Variants in SV2A observed in about 807,000 individuals in gnomAD.
SV2A encodes the protein solute carrier family 22 member B1.
SV2A carries 25 observed loss-of-function variants against 78.0 expected under a neutral mutation model. The ratio of observed to expected loss-of-function variants is 0.32; its 90% CI spans 0.23 to 0.45. The LOEUF is 0.45. SV2A is among the 20% of genes least tolerant of loss of function. SV2A has a pLI of 1.00. For synonymous variants in SV2A, 355 were observed against 384.7 expected (o/e 0.92, Z 0.90); for missense variants, 752 against 971.5 (o/e 0.77, Z 3.00).
chr1:149,913,205 C>G lies in SV2A; in HGVS notation c.622+14G>C. On this transcript the variant is annotated intron_variant, in intron 2 of 12. Coordinates refer to ENST00000369146, the MANE Select transcript of SV2A (RefSeq NM_014849.5). ...GAGTTTGAGGGGATAAGGCTGGAGC[C>G]CCCCATGTCTTACCTAGCATGCCTT... The G allele has an allele frequency of 6.2e-7, 1 of 1,610,002 alleles. No individual in the cohort carries two copies. Among genetic ancestry groups the G allele is most frequent in the Non-Finnish European group, 8.5e-7 (1 of 1,178,138 alleles).
At chr1:149,906,989 C>A in intron 10 of SV2A, 133 bp from the exon 11 acceptor site, 1 of 1,486,110 alleles carries the variant, frequency 6.7e-7, no homozygotes, top group Non-Finnish European at 9.0e-7. Context: ...CAGTGCTAAT[C>A]ACAAAACATC....
At position 149,910,786 on chromosome 1, in the gene SV2A, G is replaced by A; in HGVS notation, c.955+40C>T. The A allele has an allele frequency of 6.2e-7, 1 of 1,611,970 alleles. No individual in the cohort carries two copies. Among genetic ancestry groups the A allele is most frequent in the Non-Finnish European group, 8.5e-7 (1 of 1,178,324 alleles). ...ACAGGGAGCACAGAAGAAGAGGGAGGAGGGAGATAACCTGGGGTGGATTTC... is the reference window on the plus strand; with the variant it reads ...ACAGGGAGCACAGAAGAAGAGGGAGAAGGGAGATAACCTGGGGTGGATTTC... On this transcript the variant is annotated intron_variant, in intron 4 of 12. Transcript: ENST00000369146. This position sits in a 1 kb window ranked among gnomAD's most constrained non-coding sequence, Gnocchi z 4.2.
chr1:149,905,023 C>T lies in SV2A; in HGVS notation c.2220G>A (p.Val740=). 1 of 1,610,350 alleles carries T rather than the reference C, an allele frequency of 6.2e-7. No homozygotes were observed. Among genetic ancestry groups the T allele is most frequent in the Non-Finnish European group, 8.5e-7 (1 of 1,178,438 alleles). ...ALKLPETRGQ[V]LQ is the part of the protein sequence containing the mutation. The stretch of plus-strand genomic sequence containing the variant: ...AGCCCTAGAGACCCCTTCACTGCAG[C>T]ACCTGCCCCCGGGTCTCAGGCAGCT... Residue 740 remains valine, a synonymous_variant, in exon 13 of 13, where the codon GTG becomes GTA. Transcript: ENST00000369146.
At chr1:149,912,796 C>G (rs587750886) in intron 2 of SV2A, among the ~76,000 whole-genome samples, 365 of 150,398 alleles carry the variant, frequency 2.4e-3, no homozygotes, top group African/African-American at 8.0e-3. Flanking sequence ...CCCCCTCCCC[C>G]AACCACCCCA....
At chr1:149,911,460 T>C (rs1473209635) in intron 3 of SV2A, among the ~76,000 whole-genome samples, 1 of 152,102 alleles carries the variant, frequency 6.6e-6, no homozygotes, top group Non-Finnish European at 1.5e-5. Flanking sequence ...AGGAAATGTG[T>C]AGACTCTGGT....
chr1:149,917,095 C>T (rs2092519133), intron 1 of SV2A, among the ~76,000 whole-genome samples: 1 of 152,008 alleles, frequency 6.6e-6, no homozygotes, highest in South Asian at 2.1e-4. Context: ...AGCACCTCCT[C>T]CACCCTTGGT....
At position 149,911,474 on chromosome 1, in the gene SV2A, G is replaced by A. The variant is rs782585706; in HGVS notation, c.803+326C>T. Reference sequence around the variant, plus strand: ...CAGGAAATGTGTAGACTCTGGTAGGGGGTAACTCTGGGTCCACAGGAGCCC... The same window carrying A: ...CAGGAAATGTGTAGACTCTGGTAGGAGGTAACTCTGGGTCCACAGGAGCCC... On this transcript the variant is annotated intron_variant, in intron 3 of 12. Transcript: ENST00000369146. Among the ~76,000 whole-genome samples the A allele has an allele frequency of 2.4e-4, 37 of 151,954 alleles. No homozygotes were observed. In the Middle Eastern group the frequency reaches 0.014, roughly 56 times the overall value.
chr1:149,913,715 G>C lies in SV2A; in HGVS notation c.126C>G (p.Ser42=). The change falls in exon 2 of 13, where the codon TCC becomes TCG. Residue 42 remains serine (S), a synonymous_variant. Transcript: ENST00000369146. ...KGLDRVQDEY[S]RRSYSRFEEE... ...CCTCAAAGCGGGAGTACGATCTTCG[G>C]GAATATTCGTCCTGGACTCTGTCCA... is the stretch of plus-strand genomic sequence containing the variant. The C allele has an allele frequency of 6.2e-7, 1 of 1,613,954 alleles. No individual in the cohort carries two copies. The highest frequency in any genetic ancestry group is 8.5e-7 in the Non-Finnish European group (1 of 1,179,972).
chr1:149,910,672 C>T lies in SV2A; in HGVS notation c.987G>A (p.Gln329=). Reference sequence around the variant, plus strand: ...GGACGAAGACCCTCCAGCTGTGGAACTGGTAGGCAGAACCCATCTGAAAAC... The same window carrying T: ...GGACGAAGACCCTCCAGCTGTGGAATTGGTAGGCAGAACCCATCTGAAAAC... ...GWSFQMGSAY[Q]FHSWRVFVLV... is the part of the protein sequence containing the mutation. The change falls in exon 5 of 13, where the codon CAG becomes CAA. Residue 329 remains glutamine, a synonymous_variant. Transcript: ENST00000369146. This position sits in a 1 kb window ranked among gnomAD's most constrained non-coding sequence, Gnocchi z 4.2. 3.1e-6 allele frequency: 5 copies of T among 1,614,074 alleles called. No homozygotes were observed. The highest frequency in any genetic ancestry group is 4.2e-6 in the Non-Finnish European group (5 of 1,179,960).
rs74124078 is a variant in SV2A at position 149,909,134 on chromosome 1, T to C, written c.1379+58A>G. ...TGCATCTCCATTCTCCCCACCTCTC[T>C]CCCAGCCCACACACCACCACAACCA... On this transcript the variant is annotated intron_variant, in intron 8 of 12. Coordinates refer to ENST00000369146, the MANE Select transcript of SV2A (RefSeq NM_014849.5). The C allele has an allele frequency of 7.4e-5, 115 of 1,549,554 alleles. No individual in the cohort carries two copies. The African/African-American group carries it at 1.5e-3, about 20-fold the overall frequency.
In SV2A at chr1:149,906,809, A is replaced by G. The variant is rs1553762840; in HGVS notation, c.1726T>C (p.Phe576Leu). The change falls in exon 11 of 13, where the codon TTC (phenylalanine) becomes CTC (leucine). Residue 576 changes from phenylalanine (F) to leucine (L), a missense_variant. Phe to Leu is a conservative substitution (Grantham distance 22). Transcript: ENST00000369146. ...GGGCAGCCCTCCTTGTTGTGCAGGA[A>G]TGTACTGTTTATCAGACGGCTGTTC... The part of the protein sequence containing the change: ...FVNSRLINST[F>L]LHNKEGCPLD... The G allele has an allele frequency of 6.2e-7, 1 of 1,614,080 alleles. No individual in the cohort carries two copies. The highest frequency in any genetic ancestry group is 8.5e-7 in the Non-Finnish European group (1 of 1,180,048).
rs781813114 is a variant in SV2A, at chr1:149,913,638, C to A, written c.203G>T (p.Gly68Val). ...TTCCTCCTCATCCTGGGTCCCTTCT[C>A]CTCGGTAATAACCATCACTGGGAGC... ...FPAPSDGYYR[G>V]EGTQDEEEGG... Residue 68 changes from glycine to valine, a missense_variant, in exon 2 of 13, where the codon GGA becomes GTA. This residue lies in a region of SV2A where 291 missense variants were observed against 359.5 expected (regional missense o/e 0.81). Coordinates refer to ENST00000369146, the MANE Select transcript of SV2A (RefSeq NM_014849.5). The A allele has an allele frequency of 1.9e-6, 3 of 1,612,814 alleles. No homozygotes were observed. Among genetic ancestry groups the A allele is most frequent in the Non-Finnish European group, 2.5e-6 (3 of 1,180,014 alleles).
intron 1 of SV2A, among the ~76,000 whole-genome samples, chr1:149,914,957 G>A (rs1336861605): frequency 6.6e-6 from 1 of 152,164 alleles, no homozygotes; most frequent in Non-Finnish European, 1.5e-5. Flanking sequence ...AAGGTCCCCA[G>A]ATGAAAGCTA....
intron 12 of SV2A, 173 bp downstream of exon 12, chr1:149,905,707 C>T: frequency 1.1e-6 from 1 of 869,878 alleles, no homozygotes; most frequent in South Asian, 1.7e-5. Context: ...CCTCCCAAAG[C>T]ACTGGGATTA....
chr1:149,915,837 C>A (rs2092509418), intron 1 of SV2A, among the ~76,000 whole-genome samples: 1 of 152,048 alleles, frequency 6.6e-6, no homozygotes, highest in Non-Finnish European at 1.5e-5. Flanking sequence ...AGAAATCATC[C>A]CCCTAAAAAT....
intron 3 of SV2A, 133 bp downstream of exon 3, chr1:149,911,667 A>C: frequency 1.1e-6 from 1 of 912,506 alleles, no homozygotes; most frequent in Non-Finnish European, 1.6e-6. Flanking sequence ...GGGAGAAAGG[A>C]ACTCATTCAT....
At chr1:149,911,666 G>A in intron 3 of SV2A, 134 bp downstream of exon 3, 1 of 908,642 alleles carries the variant, frequency 1.1e-6, no homozygotes, top group South Asian at 1.8e-5. Flanking sequence ...GGGGAGAAAG[G>A]AACTCATTCA....
rs2092416492 is a variant in SV2A, at chr1:149,904,013, C to T, written c.*1001G>A. 6.5e-6 allele frequency: 1 copy of T among 152,752 alleles called. No individual in the cohort carries two copies. The highest frequency in any genetic ancestry group is 1.5e-5 in the Non-Finnish European group (1 of 68,144). The allele number at this position is 152,752 out of a possible 1,614,324, so 9.5% of individuals were successfully genotyped here. A position where few individuals can be genotyped will look rare whatever the true frequency, so the allele number is the denominator to read the frequency against. ...GCCTGGTTTCTTTCCCTCCCCTGCT[C>T]CCCTCCCTGTGAGGGGACAGGTAGG... On this transcript the variant is annotated 3_prime_UTR_variant, in exon 13 of 13. Transcript: ENST00000369146.
rs2092494280 is a variant in SV2A at position 149,913,823 on chromosome 1, T to C, written c.18A>G (p.Arg6=). The change falls in exon 2 of 13, where the codon CGA becomes CGG. Residue 6 remains arginine, a synonymous_variant. Transcript: ENST00000369146. MEEGF[R]DRAAFIRGAK... is the part of the protein sequence containing the mutation. ...CCCCACGGATGAAAGCTGCCCGGTCTCGGAAGCCCTCTTCCATGATGGGGC... is the reference window on the plus strand; with the variant it reads ...CCCCACGGATGAAAGCTGCCCGGTCCCGGAAGCCCTCTTCCATGATGGGGC... The C allele has an allele frequency of 6.2e-7, 1 of 1,609,036 alleles. No homozygotes were observed. Among genetic ancestry groups the C allele is most frequent in the Admixed American group, 1.7e-5 (1 of 59,772 alleles).
Sources: allele counts gnomAD v4.1 joint callset (sites outside exome capture counted in the v4.1 genomes callset), GRCh38; gene constraint gnomAD v4.1.1; regional missense constraint gnomAD v4.1.1; non-coding constraint Gnocchi (gnomAD v3.1); transcripts MANE v1.5; gene names NCBI Gene and HGNC (gene_info 2026-07-23, HGNC 2026-07-21).